The following TSNARE1 variants were observed in gnomAD, a reference collection of about 807,000 sequenced individuals.
The protein encoded by TSNARE1 is t-SNARE domain containing 1.
Under a neutral mutation model 62.0 loss-of-function variants are expected in TSNARE1, and 49 were observed. That is an observed-to-expected ratio of 0.79 (90% CI 0.63 to 1.00). TSNARE1 has a LOEUF of 1.00. Ranked by LOEUF, TSNARE1 falls within the 50% of genes least tolerant of loss-of-function variation. The pLI is 0.00. For synonymous variants in TSNARE1, 328 were observed against 294.4 expected, an observed-to-expected ratio of 1.11 and a Z score of -1.17; for missense variants, 755 against 700.1, an observed-to-expected ratio of 1.08 and a Z score of -0.88.
intron 6 of TSNARE1, among the ~76,000 whole-genome samples, chr8:142,326,825 C>T (rs1342339982): frequency 2.0e-5 from 3 of 152,212 alleles, no homozygotes; most frequent in Non-Finnish European, 4.4e-5. Context: ...ATAGACATTC[C>T]TTCCAAGAAG....
intron 12 of TSNARE1, among the ~76,000 whole-genome samples, chr8:142,268,675 CCAGT>C (rs1819270309): frequency 6.6e-6 from 1 of 152,328 alleles, no homozygotes; most frequent in South Asian, 2.1e-4. Context: ...TGACTAACTC[CCAGT>C]CAGTGGGCTG....
At chr8:142,234,218 C>T (rs946732132) in intron 12 of TSNARE1, among the ~76,000 whole-genome samples, 2 of 151,908 alleles carry the variant, frequency 1.3e-5, no homozygotes, top group Admixed American at 6.5e-5. Context: ...ACCATGGGTT[C>T]AGGGAAAGTT....
At chr8:142,367,074 T>C (rs1835602411) in intron 1 of TSNARE1, among the ~76,000 whole-genome samples, 2 of 152,076 alleles carry the variant, frequency 1.3e-5, no homozygotes, top group African/African-American at 4.8e-5. Flanking sequence ...ATGGGAAAAA[T>C]CTCTACAAGG....
chr8:142,290,893 G>A (rs989934096), intron 10 of TSNARE1, among the ~76,000 whole-genome samples: 2 of 152,212 alleles, frequency 1.3e-5, no homozygotes, highest in African/African-American at 4.8e-5. Flanking sequence ...GCCCACTCAG[G>A]AGCTCCAGCA....
intron 13 of TSNARE1, among the ~76,000 whole-genome samples, chr8:142,216,291 G>A (rs1002686160): frequency 6.6e-6 from 1 of 152,176 alleles, no homozygotes; most frequent in Non-Finnish European, 1.5e-5. Context: ...CTTTGGATTG[G>A]AACAGATGGG....
At chr8:142,352,494 T>C (rs75610890) in intron 2 of TSNARE1, among the ~76,000 whole-genome samples, 1 of 152,226 alleles carries the variant, frequency 6.6e-6, no homozygotes. Flanking sequence ...GCCCTGGCCA[T>C]GGGCACAGGC....
chr8:142,289,000 G>C (rs1292495802), intron 10 of TSNARE1, among the ~76,000 whole-genome samples: 1 of 152,132 alleles, frequency 6.6e-6, no homozygotes, highest in Non-Finnish European at 1.5e-5. Flanking sequence ...GACCTCTTTC[G>C]AGCGAACGCA....
At chr8:142,379,208 T>C (rs955870888) in intron 1 of TSNARE1, among the ~76,000 whole-genome samples, 1 of 152,228 alleles carries the variant, frequency 6.6e-6, no homozygotes, top group Non-Finnish European at 1.5e-5. Flanking sequence ...ATAGTGGGCA[T>C]GCCTCAGCGG....
intron 9 of TSNARE1, among the ~76,000 whole-genome samples, chr8:142,305,539 C>A (rs1377964117): frequency 6.6e-6 from 1 of 152,162 alleles, no homozygotes; most frequent in Non-Finnish European, 1.5e-5. Flanking sequence ...CTCACCTCCA[C>A]AGCGGGAGGA....
chr8:142,315,975 A>AT (rs1350887363), intron 7 of TSNARE1, among the ~76,000 whole-genome samples: 2 of 152,202 alleles, frequency 1.3e-5, no homozygotes, highest in Non-Finnish European at 2.9e-5. Flanking sequence ...TGAAGGAGCC[A>AT]TTCGCTTCAC....
intron 10 of TSNARE1, among the ~76,000 whole-genome samples, chr8:142,292,346 C>T (rs1418840673): frequency 6.6e-6 from 1 of 152,212 alleles, no homozygotes; most frequent in East Asian, 1.9e-4. Context: ...TGGAGGAGTG[C>T]CGAGAACCAG....
Position 142,361,305 on chromosome 8 carries a change from G to A in TSNARE1, c.-39-6542C>T, listed in dbSNP as rs146503562. ...GTGCTTGTCCCATGGGGGAGGAAAC[G>A]ACAAGGGCAGCTGATTGGATGTGCC... On this transcript the variant is annotated intron_variant, in intron 1 of 13. Transcript: ENST00000524325. Among the ~76,000 whole-genome samples the A allele has an allele frequency of 5.7e-3, 870 of 152,344 alleles. 5 individuals carry two copies. Among genetic ancestry groups the A allele is most frequent in the Admixed American group, 0.013 (195 of 15,310 alleles).
At chr8:142,318,502 C>A (rs1241460723) in intron 7 of TSNARE1, 42 bp downstream of exon 7, 2 of 1,576,262 alleles carry the variant, frequency 1.3e-6, no homozygotes, top group East Asian at 2.2e-5. Flanking sequence ...CAGAGGGGTC[C>A]ATTCCTCTCC....
intron 1 of TSNARE1, among the ~76,000 whole-genome samples, chr8:142,375,191 C>A (rs927396239): frequency 6.6e-6 from 1 of 152,276 alleles, no homozygotes; most frequent in African/African-American, 2.4e-5. Context: ...ACAAGCCACA[C>A]ATCTGCTTCT....
At position 142,285,399 on chromosome 8, in the gene TSNARE1, G is replaced by A. The variant is rs937253112; in HGVS notation, c.1291-914C>T. On this transcript the variant is annotated intron_variant, in intron 10 of 13. Coordinates refer to ENST00000524325, the MANE Select transcript of TSNARE1 (RefSeq NM_145003.5). Reference sequence around the variant, plus strand: ...GTATGGATGGGTGAATGGATGGATGGGTGGGTGGGTGGATGGATGGATGGA... The same window carrying A: ...GTATGGATGGGTGAATGGATGGATGAGTGGGTGGGTGGATGGATGGATGGA... Among the ~76,000 whole-genome samples the A allele has an allele frequency of 3.4e-5, 5 of 147,040 alleles. 1 individual carries two copies. The South Asian group carries it at 1.1e-3, about 32-fold the overall frequency.
At chr8:142,244,539 A>G (rs1224497063) in intron 12 of TSNARE1, among the ~76,000 whole-genome samples, 3 of 152,260 alleles carry the variant, frequency 2.0e-5, no homozygotes, top group Non-Finnish European at 4.4e-5. Context: ...GATAAGACTG[A>G]CCACATTGAT....
intron 4 of TSNARE1, among the ~76,000 whole-genome samples, chr8:142,332,472 TTAG>T (rs941548273): frequency 2.2e-5 from 3 of 138,464 alleles, no homozygotes; most frequent in Admixed American, 7.0e-5. Flanking sequence ...CATTTTAGAA[TTAG>T]TGGTGATTAT....
intron 13 of TSNARE1, among the ~76,000 whole-genome samples, chr8:142,213,743 C>A (rs1815689249): frequency 6.6e-6 from 1 of 152,222 alleles, no homozygotes; most frequent in Non-Finnish European, 1.5e-5. Flanking sequence ...GAGGGTGAGG[C>A]TGTGGGCCTG....
At chr8:142,383,667 G>C (rs905611769) in intron 1 of TSNARE1, among the ~76,000 whole-genome samples, 2 of 152,220 alleles carry the variant, frequency 1.3e-5, no homozygotes, top group African/African-American at 4.8e-5. Context: ...AGTGCCTACT[G>C]TGTGCAGCCA....
Sources: allele counts gnomAD v4.1 joint callset (sites outside exome capture counted in the v4.1 genomes callset), GRCh38; gene constraint gnomAD v4.1.1; transcripts MANE v1.5; gene names NCBI Gene and HGNC (gene_info 2026-07-23, HGNC 2026-07-21).